Variants in AGPS observed in about 807,000 individuals in gnomAD.
AGPS encodes the protein alkylglycerone phosphate synthase, also known as alkyldihydroxyacetonephosphate synthase, peroxisomal.
A neutral mutation model predicts 90.7 loss-of-function variants in AGPS; 26 were observed. The ratio of observed to expected loss-of-function variants is 0.29; its 90% CI spans 0.21 to 0.40. The LOEUF (loss-of-function observed/expected upper bound fraction) is 0.40, where lower values mean the gene tolerates loss of function less well. Among genes scored for constraint, AGPS ranks in the 10% least tolerant of loss-of-function variants. The pLI is 1.00. For synonymous variants in AGPS, 294 were observed against 285.3 expected (o/e 1.03, Z -0.31); for missense variants, 540 against 816.1 (o/e 0.66, Z 4.12).
chr2:177,485,061 C>A (rs1314826972), intron 11 of AGPS, among the ~76,000 whole-genome samples: 3 of 152,120 alleles, frequency 2.0e-5, no homozygotes, highest in African/African-American at 7.2e-5. Flanking sequence ...AGCCACCATG[C>A]CCGGCCCCAA....
chr2:177,434,247 C>T, intron 2 of AGPS, 80 bp from the exon 3 acceptor site: 2 of 990,802 alleles, frequency 2.0e-6, no homozygotes, highest in Non-Finnish European at 3.1e-6. Context: ...GCTGCTTGAC[C>T]ATCACTGGAA....
intron 14 of AGPS, among the ~76,000 whole-genome samples, chr2:177,503,266 T>C (rs1204193940): frequency 2.0e-5 from 3 of 152,154 alleles, no homozygotes; most frequent in Non-Finnish European, 4.4e-5. Context: ...TATTTTAACT[T>C]CTCCAAGAGC....
At chr2:177,447,955 G>A (rs1383701224) in intron 8 of AGPS, among the ~76,000 whole-genome samples, 6 of 152,080 alleles carry the variant, frequency 3.9e-5, no homozygotes, top group East Asian at 1.9e-4. Context: ...TCACATTGAT[G>A]TTAACATGAT....
chr2:177,479,294 G>A (rs1000782103), intron 10 of AGPS, among the ~76,000 whole-genome samples: 6 of 152,106 alleles, frequency 3.9e-5, no homozygotes, highest in South Asian at 2.1e-4. Flanking sequence ...GTTGGGGCCC[G>A]GAGCTACAGG....
At chr2:177,437,178 G>C (rs1400493929) in intron 5 of AGPS, 124 bp downstream of exon 5, 1 of 926,186 alleles carries the variant, frequency 1.1e-6, no homozygotes, top group African/African-American at 1.6e-5. Context: ...ATTTTTAAGA[G>C]AGTTTACATA....
intron 5 of AGPS, among the ~76,000 whole-genome samples, chr2:177,437,984 CTA>C (rs762624875): frequency 1.3e-5 from 2 of 152,260 alleles, no homozygotes; most frequent in South Asian, 4.1e-4. Context: ...TCTTTCATCT[CTA>C]TTAGTTTAGT....
At chr2:177,533,059 T>C (rs2079152018) in intron 19 of AGPS, among the ~76,000 whole-genome samples, 1 of 152,214 alleles carries the variant, frequency 6.6e-6, no homozygotes, top group South Asian at 2.1e-4. Context: ...CAATGTCTTA[T>C]TCCTTTGATA....
At chr2:177,487,343 A>T (rs1276201832) in intron 11 of AGPS, among the ~76,000 whole-genome samples, 1 of 152,152 alleles carries the variant, frequency 6.6e-6, no homozygotes, top group Non-Finnish European at 1.5e-5. Flanking sequence ...GTTTCTTCGA[A>T]CTAGGTTTTT....
rs115580413 is a variant in AGPS at position 177,482,126 on chromosome 2, C to G, written c.1173C>G (p.Gly391=). 2.6e-3 allele frequency: 4,252 copies of G among 1,605,490 alleles called. 87 individuals carry two copies. In the African/African-American group the frequency reaches 0.048, roughly 18 times the overall value. ...CAGTCCCTGAATACCAAAAGTATGG[C>G]TCAGTAGCTTTCCCTAATTTTGAAC... ...IRPVPEYQKY[G]SVAFPNFEQG... The change falls in exon 11 of 20, where the codon GGC becomes GGG. Residue 391 remains glycine (G), a synonymous_variant. Transcript: ENST00000264167.
At chr2:177,401,954 G>A (rs1378656280) in intron 1 of AGPS, among the ~76,000 whole-genome samples, 1 of 152,012 alleles carries the variant, frequency 6.6e-6, no homozygotes, top group Non-Finnish European at 1.5e-5. Context: ...CATTCATTTT[G>A]TGCATTAAAC....
chr2:177,459,342 G>A (rs924836293), intron 8 of AGPS, among the ~76,000 whole-genome samples: 1 of 152,196 alleles, frequency 6.6e-6, no homozygotes, highest in African/African-American at 2.4e-5. Context: ...AACCTAAAGA[G>A]CTTCTGCACA....
intron 18 of AGPS, among the ~76,000 whole-genome samples, chr2:177,522,559 C>T (rs942410432): frequency 1.3e-4 from 20 of 152,120 alleles, no homozygotes; most frequent in African/African-American, 1.7e-4. Context: ...AAGCGATTCT[C>T]CTGTCTCAGC....
At chr2:177,436,082 T>C (rs1392091372) in intron 3 of AGPS, among the ~76,000 whole-genome samples, 1 of 152,018 alleles carries the variant, frequency 6.6e-6, no homozygotes, top group Non-Finnish European at 1.5e-5. Context: ...TTATTACTTA[T>C]TTTGAGGCTT....
intron 1 of AGPS, among the ~76,000 whole-genome samples, chr2:177,414,185 T>C (rs1242259754): frequency 6.6e-6 from 1 of 152,154 alleles, no homozygotes; most frequent in Non-Finnish European, 1.5e-5. Flanking sequence ...TTTTTGAGCC[T>C]TGAATTCAAG....
At chr2:177,534,310 CTTCT>C (rs1459942071) in intron 19 of AGPS, among the ~76,000 whole-genome samples, 1 of 152,104 alleles carries the variant, frequency 6.6e-6, no homozygotes, top group Non-Finnish European at 1.5e-5. Flanking sequence ...CATACCACAA[CTTCT>C]TTCTTGCATT....
intron 8 of AGPS, among the ~76,000 whole-genome samples, chr2:177,451,789 A>G (rs150018470): frequency 6.6e-6 from 1 of 152,250 alleles, no homozygotes; most frequent in East Asian, 1.9e-4. Flanking sequence ...GAAGTAATTT[A>G]TTTGAGTTCA....
intron 16 of AGPS, among the ~76,000 whole-genome samples, chr2:177,509,463 G>A (rs375525477): frequency 6.6e-6 from 1 of 152,136 alleles, no homozygotes; most frequent in African/African-American, 2.4e-5. Flanking sequence ...TCAGGAGATC[G>A]AGACCATCCT....
At chr2:177,442,368 ATATT>A (rs1321941708) in intron 6 of AGPS, 35 bp from the exon 7 acceptor site, 2 of 1,464,226 alleles carry the variant, frequency 1.4e-6, no homozygotes, top group Admixed American at 3.3e-5. Flanking sequence ...TAAAAACAGA[ATATT>A]TAAACATAAA....
At chr2:177,479,872 A>C (rs1026793928) in intron 10 of AGPS, among the ~76,000 whole-genome samples, 3 of 152,174 alleles carry the variant, frequency 2.0e-5, no homozygotes, top group Non-Finnish European at 1.5e-5. Flanking sequence ...CATGTCTGTG[A>C]ATATAACGCA....
Sources: allele counts gnomAD v4.1 joint callset (sites outside exome capture counted in the v4.1 genomes callset), GRCh38; gene constraint gnomAD v4.1.1; transcripts MANE v1.5; gene names NCBI Gene and HGNC (gene_info 2026-07-23, HGNC 2026-07-21).